PARVB: variants seen among roughly 807,000 people sequenced by gnomAD.
PARVB encodes beta-parvin.
A neutral mutation model predicts 47.0 loss-of-function variants in PARVB; 46 were observed. The ratio of observed to expected loss-of-function variants is 0.98; its 90% CI spans 0.77 to 1.25. The LOEUF (loss-of-function observed/expected upper bound fraction) is 1.25. Ranked by LOEUF, PARVB falls within the 50% of genes most tolerant of loss-of-function variation. PARVB has a pLI of 0.00. For missense variants in PARVB, 473 were observed against 471.6 expected, an observed-to-expected ratio of 1.00 and a Z score of -0.03; for synonymous variants, 196 against 196.3, an observed-to-expected ratio of 1.00 and a Z score of 0.01.
rs1406829018 is a variant in PARVB, at chr22:44,089,159, GC to G, written c.113-4763del. 6.6e-6 allele frequency among the ~76,000 whole-genome samples: 1 copy of G among 152,096 alleles called. No individual in the cohort carries two copies. Among genetic ancestry groups the G allele is most frequent in the African/African-American group, 2.4e-5 (1 of 41,406 alleles). On this transcript the variant is annotated intron_variant, in intron 1 of 12. Transcript: ENST00000338758. This position sits in a 1 kb window ranked among gnomAD's most constrained non-coding sequence, Gnocchi z 4.0. ...CCTCCTGTCTCTCTCTTCCTACCTG[GC>G]CCCCCGTGCAGGCCACAGAGCGTGG...
At chr22:44,133,089 C>T (rs1318551725) in intron 6 of PARVB, 80 bp downstream of exon 6, 1 of 906,666 alleles carries the variant, frequency 1.1e-6, no homozygotes, top group South Asian at 1.6e-5. Context: ...TCCTGCCCTC[C>T]CCCTCCTTTT....
chr22:44,130,759 C>A (rs974308867), intron 4 of PARVB, among the ~76,000 whole-genome samples: 2 of 152,186 alleles, frequency 1.3e-5, no homozygotes, highest in Non-Finnish European at 2.9e-5. Flanking sequence ...TCCCAGGTAA[C>A]CTCCTTGCCT....
intron 4 of PARVB, among the ~76,000 whole-genome samples, chr22:44,130,869 T>C (rs2053292940): frequency 6.6e-6 from 1 of 152,128 alleles, no homozygotes; most frequent in Admixed American, 6.5e-5. Context: ...CCCTTTTCAA[T>C]CTGGCGTCAT....
intron 1 of PARVB, among the ~76,000 whole-genome samples, chr22:44,066,590 G>A (rs957452215): frequency 6.6e-6 from 1 of 152,124 alleles, no homozygotes; most frequent in Non-Finnish European, 1.5e-5. Flanking sequence ...CACACAGTAG[G>A]TGCACGGCAC....
chr22:43,999,687 G>A (rs774115187), intron 2 of PARVB: 2 of 1,596,558 alleles, frequency 1.3e-6, no homozygotes, highest in African/African-American at 2.7e-5. Context: ...AGTTTTGGGG[G>A]AAAAACTGTC....
chr22:44,003,378 G>A (rs1329362517), intron 2 of PARVB, among the ~76,000 whole-genome samples: 1 of 152,206 alleles, frequency 6.6e-6, no homozygotes, highest in Non-Finnish European at 1.5e-5. Flanking sequence ...AGACTGTGAT[G>A]TGGCCTTGGG....
chr22:44,160,501 C>G (rs1351460422), intron 11 of PARVB, among the ~76,000 whole-genome samples: 3 of 152,202 alleles, frequency 2.0e-5, no homozygotes, highest in Non-Finnish European at 4.4e-5. Flanking sequence ...ATGGCCTGGT[C>G]TCTGCTGGGC....
At chr22:44,082,590 C>T (rs1477658514) in intron 1 of PARVB, among the ~76,000 whole-genome samples, 1 of 152,138 alleles carries the variant, frequency 6.6e-6, no homozygotes, top group Non-Finnish European at 1.5e-5. Flanking sequence ...AGAAACCAAT[C>T]AGATCATCAT....
intron 1 of PARVB, among the ~76,000 whole-genome samples, chr22:44,058,614 G>T (rs1047680959): frequency 6.8e-6 from 1 of 146,364 alleles, no homozygotes; most frequent in African/African-American, 2.5e-5. Flanking sequence ...GAGTGCAATG[G>T]CACGATCTTG....
intron 4 of PARVB, 85 bp from the exon 5 acceptor site, chr22:44,131,402 A>G: frequency 6.7e-7 from 1 of 1,490,774 alleles, no homozygotes; most frequent in Middle Eastern, 2.0e-4. Context: ...TCGGCCTCTC[A>G]AACTGCTGGG....
chr22:44,151,324 CA>C, intron 9 of PARVB, 158 bp from the exon 10 acceptor site: 2 of 604,050 alleles, frequency 3.3e-6, no homozygotes, highest in Non-Finnish European at 6.0e-6. Context: ...GGGCTACTGT[CA>C]GGATATTGAG....
chr22:44,071,921 A>C (rs1847907192), intron 1 of PARVB, among the ~76,000 whole-genome samples: 1 of 152,116 alleles, frequency 6.6e-6, no homozygotes, highest in African/African-American at 2.4e-5. Flanking sequence ...CCAGGAAGGG[A>C]GGCGCAGCTG....
At chr22:44,005,792 TAAC>T (rs542285211) in intron 2 of PARVB, among the ~76,000 whole-genome samples, 6 of 152,188 alleles carry the variant, frequency 3.9e-5, no homozygotes, top group Non-Finnish European at 8.8e-5. Context: ...TGTAATCAAG[TAAC>T]AACCTAGAGG....
At chr22:44,014,854 AT>A (rs34601668) in intron 2 of PARVB, among the ~76,000 whole-genome samples, 77,759 of 147,502 alleles carry the variant, frequency 0.53, 21,715 homozygotes, top group East Asian at 0.73. Flanking sequence ...AGACACAACA[AT>A]TTTTTTTTTT....
At chr22:44,005,179 A>G (rs964246655) in intron 2 of PARVB, among the ~76,000 whole-genome samples, 2 of 150,650 alleles carry the variant, frequency 1.3e-5, no homozygotes, top group Admixed American at 1.3e-4. Flanking sequence ...GGCTCACTGC[A>G]GCTTCAACCT....
intron 1 of PARVB, among the ~76,000 whole-genome samples, chr22:44,046,626 A>G (rs1239993549): frequency 6.6e-6 from 1 of 152,214 alleles, no homozygotes; most frequent in African/African-American, 2.4e-5. Context: ...GCTGGCCCCG[A>G]TGACATGTTA....
rs1186690206 is a variant in PARVB at position 44,115,524 on chromosome 22, C to T, written c.274-3514C>T. On this transcript the variant is annotated intron_variant, in intron 3 of 12. Transcript: ENST00000338758. ...CTGCACCAGAACGGATACATTGTTACTAAGTAAGGCCCTGCACCAACACAG... is the reference window on the plus strand; with the variant it reads ...CTGCACCAGAACGGATACATTGTTATTAAGTAAGGCCCTGCACCAACACAG... 8 of 24,614 alleles carry T rather than the reference C, an allele frequency of 3.3e-4. No homozygotes were observed. In the African/African-American group the frequency reaches 4.0e-3, roughly 12 times the overall value. The allele number at this position is 24,614 out of a possible 1,614,324, so 1.5% of individuals were successfully genotyped here. A position where few individuals can be genotyped will look rare whatever the true frequency, so the allele number is the denominator to read the frequency against.
intron 12 of PARVB, chr22:44,168,113 C>G (rs917574423): frequency 1.8e-5 from 3 of 163,178 alleles, no homozygotes; most frequent in Non-Finnish European, 2.7e-5. Flanking sequence ...CACTGAGCCC[C>G]AAATCACGGA....
At chr22:44,138,657 C>T (rs2053491200) in intron 7 of PARVB, among the ~76,000 whole-genome samples, 1 of 152,206 alleles carries the variant, frequency 6.6e-6, no homozygotes, top group Non-Finnish European at 1.5e-5. Flanking sequence ...CTCAGTGTTC[C>T]CCTTTCTCTT....
Sources: gnomAD v4.1 joint callset for allele counts (sites outside exome capture counted in the v4.1 genomes callset) on GRCh38, gnomAD v4.1.1 for gene constraint, Gnocchi (gnomAD v3.1) non-coding constraint, MANE v1.5 for transcripts, NCBI Gene and HGNC (gene_info 2026-07-23, HGNC 2026-07-21) for gene names.